SOD2: variants seen among roughly 807,000 people sequenced by gnomAD.
SOD2 encodes the protein superoxide dismutase 2.
In SOD2, 11 loss-of-function variants were observed where a neutral mutation model predicts 27.0. That is an observed-to-expected ratio of 0.41 (90% CI 0.26 to 0.67). SOD2 has a LOEUF of 0.67. SOD2 is among the 30% of genes least tolerant of loss of function. SOD2 has a pLI of 0.34. For missense variants in SOD2, 250 were observed against 274.5 expected (o/e 0.91, Z 0.63); for synonymous variants, 105 against 103.0 (o/e 1.02, Z -0.12).
chr6:159,687,884 G>A (rs1049371355), intron 3 of SOD2, among the ~76,000 whole-genome samples: 6 of 152,022 alleles, frequency 3.9e-5, no homozygotes, highest in Non-Finnish European at 5.9e-5. Flanking sequence ...GGTGGCGGGC[G>A]CCTGTAATCC....
chr6:159,704,026 C>T (rs1583031126), intron 1 of SOD2, among the ~76,000 whole-genome samples: 3 of 152,298 alleles, frequency 2.0e-5, no homozygotes, highest in African/African-American at 7.2e-5. Context: ...TGGCTCACGC[C>T]TGTAATCCCA....
chr6:159,755,737 T>C, intron 1 of SOD2: 1 of 1,211,442 alleles, frequency 8.3e-7, no homozygotes, highest in South Asian at 3.5e-5. Context: ...TTTTTTGTTG[T>C]TTTTTTTCTT....
chr6:159,705,245 C>G (rs1263467292), intron 1 of SOD2, among the ~76,000 whole-genome samples: 19 of 152,232 alleles, frequency 1.2e-4, no homozygotes, highest in African/African-American at 4.3e-4. Flanking sequence ...CAGCTCCTCA[C>G]CAGCAATGGA....
chr6:159,736,979 C>G (rs887482286), intron 1 of SOD2, among the ~76,000 whole-genome samples: 1 of 152,168 alleles, frequency 6.6e-6, no homozygotes, highest in Non-Finnish European at 1.5e-5. Flanking sequence ...TCAGATTACT[C>G]ATTAAATGAA....
intron 1 of SOD2, among the ~76,000 whole-genome samples, chr6:159,715,267 G>A (rs976630241): frequency 1.3e-5 from 2 of 151,990 alleles, no homozygotes; most frequent in Non-Finnish European, 2.9e-5. Flanking sequence ...CCAAATGAGT[G>A]GGATAGAGAA....
At chr6:159,688,280 C>A in intron 2 of SOD2, 38 bp from the exon 3 acceptor site, 1 of 1,244,352 alleles carries the variant, frequency 8.0e-7, no homozygotes, top group Non-Finnish European at 1.2e-6. Context: ...TTTTGTAACT[C>A]CTACTTTTTC....
In SOD2 at chr6:159,714,623, A is replaced by C. The variant is rs1038721197; in HGVS notation, c.-116+12506T>G. Among the ~76,000 whole-genome samples, 6 of 152,324 alleles carry C rather than the reference A, an allele frequency of 3.9e-5. No homozygotes were observed. In the East Asian group the frequency reaches 9.7e-4, roughly 25 times the overall value. On this transcript the variant is annotated intron_variant, in intron 1 of 2. Transcript: ENST00000401980. ...AATTCCTGTTTTTCACTTTGTTGAAAAGGTGTGCCAAATGACTGCAATTCT... is the reference window on the plus strand; with the variant it reads ...AATTCCTGTTTTTCACTTTGTTGAACAGGTGTGCCAAATGACTGCAATTCT...
intron 1 of SOD2, among the ~76,000 whole-genome samples, chr6:159,712,375 ATAACCACCTC>A (rs1777824126): frequency 8.8e-6 from 1 of 113,758 alleles, no homozygotes; most frequent in Non-Finnish European, 1.9e-5. Flanking sequence ...TCTGACCTCC[ATAACCACCTC>A]CATAACCACC....
upstream of SOD2, chr6:159,748,170 T>G: frequency 6.2e-7 from 1 of 1,606,874 alleles, no homozygotes; most frequent in Non-Finnish European, 8.5e-7. The surrounding 1 kb of genome is among the most constrained non-coding windows in gnomAD (Gnocchi z 5.6). Context: ...TGGTCGTAAT[T>G]GTTTCTTTTG....
chr6:159,733,891 G>T (rs1778743768), intron 1 of SOD2, among the ~76,000 whole-genome samples: 3 of 152,194 alleles, frequency 2.0e-5, no homozygotes, highest in African/African-American at 4.8e-5. Context: ...ACTCCACCCC[G>T]GGCAACAAGA....
At chr6:159,719,390 C>T (rs867752953) in intron 1 of SOD2, among the ~76,000 whole-genome samples, 8 of 151,966 alleles carry the variant, frequency 5.3e-5, no homozygotes, top group Non-Finnish European at 8.8e-5. Context: ...TAGCTGAGTA[C>T]GGTGGCATGT....
chr6:159,713,659 C>A, intron 1 of SOD2: 1 of 990,476 alleles, frequency 1.0e-6, no homozygotes, highest in Non-Finnish European at 1.6e-6. Context: ...CTAAGCCAGA[C>A]GAAGCCATCG....
At chr6:159,692,966 C>A (rs1429818815) in intron 1 of SOD2, 103 bp from the exon 2 acceptor site, 4 of 1,352,216 alleles carry the variant, frequency 3.0e-6, no homozygotes, top group African/African-American at 1.5e-5. Context: ...CGAGTCCCCG[C>A]GTCCCCTCCC....
upstream of SOD2, among the ~76,000 whole-genome samples, chr6:159,693,530 C>T (rs999923554): frequency 3.3e-5 from 5 of 152,164 alleles, no homozygotes; most frequent in Non-Finnish European, 1.5e-5. Context: ...GGGAGGCGGC[C>T]CCTGCCCCCG....
upstream of SOD2, chr6:159,727,796 A>C: frequency 1.1e-6 from 1 of 892,094 alleles, no homozygotes; most frequent in Non-Finnish European, 1.3e-6. Flanking sequence ...AGGGGCGGGC[A>C]GGGCCCGAAA....
chr6:159,720,854 T>C (rs1467789743), intron 1 of SOD2, among the ~76,000 whole-genome samples: 2 of 106,982 alleles, frequency 1.9e-5, no homozygotes, highest in Non-Finnish European at 3.7e-5. Context: ...TACCTTTTTT[T>C]TTTTTTTTTT....
At chr6:159,710,840 A>C in intron 1 of SOD2, among the ~76,000 whole-genome samples, 1 of 148,134 alleles carries the variant, frequency 6.8e-6, no homozygotes, top group East Asian at 2.0e-4. Context: ...TGCTCTGATC[A>C]CCATAACCAC....
chr6:159,716,463 A>G (rs773161296), intron 1 of SOD2, among the ~76,000 whole-genome samples: 1 of 152,146 alleles, frequency 6.6e-6, no homozygotes, highest in Non-Finnish European at 1.5e-5. Context: ...GAGGGGGAAA[A>G]CATTTCACCT....
chr6:159,755,750 T>G (rs1157741119), intron 1 of SOD2: 4 of 1,066,948 alleles, frequency 3.7e-6, no homozygotes, highest in Non-Finnish European at 3.5e-6. Flanking sequence ...TTTTTCTTTG[T>G]TTTTTTTTTC....
Sources: gnomAD v4.1 joint callset for allele counts (sites outside exome capture counted in the v4.1 genomes callset) on GRCh38, gnomAD v4.1.1 for gene constraint, Gnocchi (gnomAD v3.1) non-coding constraint, MANE v1.5 for transcripts, NCBI Gene and HGNC (gene_info 2026-07-23, HGNC 2026-07-21) for gene names.